Variants in ROR1 observed in about 807,000 individuals in gnomAD.
ROR1 encodes the protein ROR family WNT receptor 1.
A neutral mutation model predicts 78.8 loss-of-function variants in ROR1; 19 were observed. That is an observed-to-expected ratio of 0.24 (90% CI 0.17 to 0.35). ROR1 has a LOEUF of 0.35. Among genes scored for constraint, ROR1 ranks in the 10% least tolerant of loss-of-function variants. ROR1 has a pLI of 1.00. For synonymous variants in ROR1, 386 were observed against 433.6 expected, an observed-to-expected ratio of 0.89 and a Z score of 1.36; for missense variants, 917 against 1,177.8, an observed-to-expected ratio of 0.78 and a Z score of 3.24.
intron 1 of ROR1, among the ~76,000 whole-genome samples, chr1:63,900,180 G>A (rs558060421): frequency 3.3e-5 from 5 of 152,240 alleles, no homozygotes; most frequent in South Asian, 4.1e-4. Context: ...TTGGCCGGGC[G>A]TGGTGACTCA....
In ROR1 at chr1:64,122,476, C is replaced by T. The variant is rs74079104; in HGVS notation, c.483-14893C>T. On this transcript the variant is annotated intron_variant, in intron 4 of 8. Transcript: ENST00000371079. ...TTGAGGCATCCACTTATGTATTCATCGATCCTTCAGCAGTCATGTACTGGA... is the reference window on the plus strand; with the variant it reads ...TTGAGGCATCCACTTATGTATTCATTGATCCTTCAGCAGTCATGTACTGGA... Among the ~76,000 whole-genome samples the T allele has an allele frequency of 4.7e-3, 721 of 152,262 alleles. 7 individuals carry two copies. The highest frequency in any genetic ancestry group is 0.016 in the African/African-American group (672 of 41,542).
chr1:64,172,082 T>G (rs1286958868), intron 8 of ROR1, among the ~76,000 whole-genome samples: 2 of 152,214 alleles, frequency 1.3e-5, no homozygotes, highest in African/African-American at 2.4e-5. Context: ...AATTACAGTT[T>G]TTAAAAACGC....
At chr1:63,832,410 G>C (rs933377145) in intron 1 of ROR1, among the ~76,000 whole-genome samples, 5 of 152,144 alleles carry the variant, frequency 3.3e-5, no homozygotes, top group African/African-American at 1.2e-4. Context: ...GTTCTGCATG[G>C]GTGGGGAGGC....
chr1:63,874,413 G>A (rs1195042635), intron 1 of ROR1, among the ~76,000 whole-genome samples: 2 of 152,068 alleles, frequency 1.3e-5, no homozygotes, highest in Admixed American at 6.6e-5. Flanking sequence ...CAGTGGTAGT[G>A]CAGGACAGGA....
intron 1 of ROR1, among the ~76,000 whole-genome samples, chr1:63,973,183 T>C (rs1646132067): frequency 6.6e-6 from 1 of 152,224 alleles, no homozygotes; most frequent in African/African-American, 2.4e-5. Flanking sequence ...TCAGGGGTGG[T>C]GACTGCCCTG....
Position 63,786,171 on chromosome 1 carries a change from T to TAAC in ROR1, c.91+11665_91+11667dup, listed in dbSNP as rs1164359719. Among the ~76,000 whole-genome samples the TAAC allele has an allele frequency of 4.0e-5, 6 of 150,322 alleles. No individual in the cohort carries two copies. The East Asian group carries it at 1.2e-3, about 29-fold the overall frequency. On this transcript the variant is annotated intron_variant, in intron 1 of 8. Transcript: ENST00000371079. ...AAAGGTGCAGAGAAAGTCCAGGACT[T>TAAC]AACACTGATTAGTCTTCCTCCCCAG...
chr1:64,137,142 A>C (rs951467504), intron 4 of ROR1, among the ~76,000 whole-genome samples: 3 of 152,180 alleles, frequency 2.0e-5, no homozygotes, highest in African/African-American at 7.2e-5. Flanking sequence ...ATATTTAAGG[A>C]TGATTTTGTG....
chr1:63,786,512 T>C (rs944743717), intron 1 of ROR1, among the ~76,000 whole-genome samples: 1 of 149,974 alleles, frequency 6.7e-6, no homozygotes, highest in Non-Finnish European at 1.5e-5. Context: ...GACCCCGTGA[T>C]CCTCCCGCCT....
At chr1:64,047,010 T>C (rs1222747740) in intron 2 of ROR1, among the ~76,000 whole-genome samples, 2 of 152,222 alleles carry the variant, frequency 1.3e-5, no homozygotes, top group Non-Finnish European at 2.9e-5. Context: ...GCCAGCTGCC[T>C]CAAATGGACT....
At chr1:63,794,493 T>C (rs1047964116) in intron 1 of ROR1, among the ~76,000 whole-genome samples, 5 of 152,220 alleles carry the variant, frequency 3.3e-5, no homozygotes, top group African/African-American at 9.6e-5. Context: ...AGGAACCAGC[T>C]TCTTTCTCTC....
chr1:63,850,678 G>A (rs1344617082), intron 1 of ROR1, among the ~76,000 whole-genome samples: 4 of 152,112 alleles, frequency 2.6e-5, no homozygotes, highest in Non-Finnish European at 2.9e-5. Context: ...TATTGTTCTA[G>A]CTATATTATA....
chr1:64,021,681 A>C (rs1036225338), intron 2 of ROR1, among the ~76,000 whole-genome samples: 1 of 152,184 alleles, frequency 6.6e-6, no homozygotes, highest in African/African-American at 2.4e-5. Context: ...CTAAAATAAT[A>C]ATCTGTGTGT....
intron 4 of ROR1, among the ~76,000 whole-genome samples, chr1:64,100,629 T>C (rs556118389): frequency 1.3e-5 from 2 of 152,332 alleles, no homozygotes; most frequent in Admixed American, 1.3e-4. Context: ...TTCATTTTGT[T>C]TTTAAGTAAA....
At position 63,795,086 on chromosome 1, in the gene ROR1, G is replaced by A. The variant is rs549903001; in HGVS notation, c.91+20578G>A. On this transcript the variant is annotated intron_variant, in intron 1 of 8. Transcript: ENST00000371079. ...GTTGGAACCCTGCATCCAGGGAAGC[G>A]GACTTTGTGGTTGGGAGGGCAGGTT... is the stretch of plus-strand genomic sequence containing the variant. Among the ~76,000 whole-genome samples, 9 of 152,314 alleles carry A rather than the reference G, an allele frequency of 5.9e-5. No homozygotes were observed. The South Asian group carries it at 1.9e-3, about 32-fold the overall frequency.
chr1:63,958,650 A>C (rs1161554237), intron 1 of ROR1, among the ~76,000 whole-genome samples: 2 of 152,228 alleles, frequency 1.3e-5, no homozygotes, highest in East Asian at 3.8e-4. Context: ...TGTAGGTGGC[A>C]GTCCAATGCT....
intron 1 of ROR1, among the ~76,000 whole-genome samples, chr1:63,794,479 A>C (rs1209654787): frequency 6.6e-6 from 1 of 152,196 alleles, no homozygotes; most frequent in Non-Finnish European, 1.5e-5. Context: ...GCACTAGGCC[A>C]CGAAGGAACC....
In ROR1 at chr1:64,140,231, C is replaced by T. The variant is rs528483506; in HGVS notation, c.733C>T (p.Arg245Cys). 22 of 1,613,960 alleles carry T rather than the reference C, an allele frequency of 1.4e-5. No individual in the cohort carries two copies. Among genetic ancestry groups the T allele is most frequent in the Middle Eastern group, 1.6e-4 (1 of 6,084 alleles). Residue 245 changes from arginine to cysteine, a missense_variant, in exon 6 of 9, where the codon CGT (arginine) becomes TGT (cysteine). Physicochemically the swap from Arg to Cys is radical, Grantham distance 180. Transcript: ENST00000371079. ...TGAAACTTCATCCGTCCCAAAGCCC[C>T]GTGACTTGTGTCGCGATGAATGTGA... ...CDETSSVPKP[R>C]DLCRDECEIL...
chr1:63,925,142 T>C (rs1287224403), intron 1 of ROR1, among the ~76,000 whole-genome samples: 2 of 149,784 alleles, frequency 1.3e-5, no homozygotes, highest in African/African-American at 5.0e-5. Context: ...TAGGTATATC[T>C]CCCAATGCTA....
At chr1:63,900,728 C>G (rs934724239) in intron 1 of ROR1, among the ~76,000 whole-genome samples, 1 of 151,826 alleles carries the variant, frequency 6.6e-6, no homozygotes, top group Non-Finnish European at 1.5e-5. Flanking sequence ...TTTTATTTAC[C>G]ACTCATCTAT....
Sources: gnomAD v4.1 joint callset for allele counts (sites outside exome capture counted in the v4.1 genomes callset) on GRCh38, gnomAD v4.1.1 for gene constraint, MANE v1.5 for transcripts, NCBI Gene and HGNC (gene_info 2026-07-23, HGNC 2026-07-21) for gene names.